INPP4B: variants seen among roughly 807,000 people sequenced by gnomAD.
INPP4B encodes inositol polyphosphate-4-phosphatase type II B, also known as inositol polyphosphate 4-phosphatase type II.
INPP4B carries 55 observed loss-of-function variants against 122.5 expected under a neutral mutation model. That is an observed-to-expected ratio of 0.45 (90% confidence interval 0.36 to 0.56). The LOEUF (loss-of-function observed/expected upper bound fraction) is 0.56, where lower values mean the gene tolerates loss of function less well. Ranked by LOEUF, INPP4B falls within the 20% of genes least tolerant of loss-of-function variation. The pLI, the probability that INPP4B is intolerant of heterozygous loss-of-function variation, is 0.00. For missense variants in INPP4B, 1,000 were observed against 1,097.7 expected (o/e 0.91, Z 1.26); for synonymous variants, 403 against 388.7 (o/e 1.04, Z -0.43).
intron 5 of INPP4B, chr4:142,427,321 C>G (rs1173658979): frequency 5.1e-6 from 2 of 390,860 alleles, no homozygotes; most frequent in Admixed American, 4.4e-5. Flanking sequence ...GCTCATCAAG[C>G]ATTTCTTGCC....
intron 1 of INPP4B, among the ~76,000 whole-genome samples, chr4:142,746,113 A>G (rs1044424877): frequency 3.9e-5 from 6 of 152,016 alleles, no homozygotes; most frequent in African/African-American, 1.4e-4. Flanking sequence ...TAGTTATAGA[A>G]TACTATACTC....
chr4:142,734,572 C>G (rs1766550423), intron 1 of INPP4B, among the ~76,000 whole-genome samples: 1 of 152,148 alleles, frequency 6.6e-6, no homozygotes, highest in South Asian at 2.1e-4. Context: ...CTTCGATACA[C>G]TTTTCAAGTG....
At chr4:142,431,598 A>T (rs1310160702) in intron 3 of INPP4B, among the ~76,000 whole-genome samples, 1 of 152,142 alleles carries the variant, frequency 6.6e-6, no homozygotes, top group Admixed American at 6.6e-5. Flanking sequence ...CATATGAAAG[A>T]TTTCTAAAAC....
rs141109132 is a variant in INPP4B at position 142,658,756 on chromosome 4, GT to G, written c.-191+67082del. 5.9e-3 allele frequency among the ~76,000 whole-genome samples: 898 copies of G among 152,226 alleles called. 13 individuals are homozygous for G. The highest frequency in any genetic ancestry group is 0.02 in the African/African-American group (843 of 41,534). On this transcript the variant is annotated intron_variant, in intron 2 of 25. Transcript: ENST00000262992. The stretch of plus-strand genomic sequence containing the variant: ...GACTTGCAGAGCCAATAAAAGCCCA[GT>G]GGGGAAACTGGTCTCATACCTCATC...
chr4:142,315,532 G>C lies in INPP4B; in HGVS notation c.373-770C>G, dbSNP rs576192510. ...CCTGGCTGTACATTAGAATCACCTG[G>C]GGACCCTTTCAAACTCTTGGTGCGC... On this transcript the variant is annotated intron_variant, in intron 7 of 25. Transcript: ENST00000262992. Among the ~76,000 whole-genome samples the C allele has an allele frequency of 5.3e-5, 8 of 151,826 alleles. No homozygotes were observed. In the South Asian group the frequency reaches 1.7e-3, roughly 32 times the overall value.
intron 20 of INPP4B, 59 bp downstream of exon 20, chr4:142,123,233 G>A (rs1050228108): frequency 6.6e-6 from 9 of 1,373,898 alleles, no homozygotes; most frequent in Middle Eastern, 1.9e-4. Context: ...AAAAATTTCT[G>A]GATTAAATGT....
At chr4:142,678,470 C>T (rs1317462921) in intron 2 of INPP4B, among the ~76,000 whole-genome samples, 1 of 151,836 alleles carries the variant, frequency 6.6e-6, no homozygotes, top group African/African-American at 2.4e-5. Context: ...AAGAAAATCA[C>T]TTCGCACCTC....
chr4:142,727,826 C>T (rs1580785885), intron 1 of INPP4B, among the ~76,000 whole-genome samples: 1 of 152,078 alleles, frequency 6.6e-6, no homozygotes, highest in African/African-American at 2.4e-5. Flanking sequence ...TATAGTGAGC[C>T]GAGATTGCAG....
intron 2 of INPP4B, among the ~76,000 whole-genome samples, chr4:142,704,516 G>A (rs1224868856): frequency 6.6e-6 from 1 of 151,984 alleles, no homozygotes; most frequent in Non-Finnish European, 1.5e-5. Context: ...TTAACTTCTT[G>A]CCACAAAACT....
intron 17 of INPP4B, among the ~76,000 whole-genome samples, chr4:142,152,390 A>C (rs1814679706): frequency 6.6e-6 from 1 of 151,580 alleles, no homozygotes. Context: ...TTTTCTTTTT[A>C]ATAGACTGTG....
At chr4:142,714,806 T>C (rs1392678442) in intron 2 of INPP4B, among the ~76,000 whole-genome samples, 1 of 152,180 alleles carries the variant, frequency 6.6e-6, no homozygotes, top group East Asian at 1.9e-4. Context: ...ACGAGGACTC[T>C]CTGCTGGGAG....
At chr4:142,310,011 C>T (rs1321366165) in intron 8 of INPP4B, among the ~76,000 whole-genome samples, 1 of 152,236 alleles carries the variant, frequency 6.6e-6, no homozygotes, top group Non-Finnish European at 1.5e-5. Flanking sequence ...TCCTCTGTGG[C>T]TCCCCAGTCA....
At chr4:142,100,237 A>G (rs888771593) in intron 23 of INPP4B, among the ~76,000 whole-genome samples, 191 of 152,276 alleles carry the variant, frequency 1.3e-3, no homozygotes, top group African/African-American at 4.3e-3. Flanking sequence ...AGAGTCAAGG[A>G]CAGGAGGAAG....
intron 15 of INPP4B, among the ~76,000 whole-genome samples, chr4:142,185,674 C>T (rs2636677): frequency 0.99 from 150,783 of 151,810 alleles, 74,888 homozygotes; most frequent in East Asian, 1. Flanking sequence ...GGTCAGGAGA[C>T]AGAGACCATC....
chr4:142,231,148 C>T (rs1010024452), intron 12 of INPP4B, among the ~76,000 whole-genome samples: 2 of 152,198 alleles, frequency 1.3e-5, no homozygotes, highest in Non-Finnish European at 2.9e-5. Context: ...AAATGTCACA[C>T]TAACTGTGAG....
intron 7 of INPP4B, among the ~76,000 whole-genome samples, chr4:142,361,504 T>C (rs1785382118): frequency 6.6e-6 from 1 of 152,000 alleles, no homozygotes; most frequent in Admixed American, 6.6e-5. Flanking sequence ...TAGATTTAGC[T>C]ATCAGATTTC....
intron 1 of INPP4B, among the ~76,000 whole-genome samples, chr4:142,738,805 A>G (rs1767456783): frequency 6.6e-6 from 1 of 152,108 alleles, no homozygotes; most frequent in Non-Finnish European, 1.5e-5. Context: ...TCCTAAGTTA[A>G]AAGATCAGTA....
At chr4:142,124,465 T>C in intron 19 of INPP4B, 123 bp downstream of exon 19, 2 of 824,938 alleles carry the variant, frequency 2.4e-6, no homozygotes, top group Admixed American at 2.5e-5. Context: ...AAACATGGGA[T>C]ACCAAAACTT....
intron 15 of INPP4B, among the ~76,000 whole-genome samples, chr4:142,188,396 A>C (rs921124481): frequency 1.2e-4 from 18 of 148,950 alleles, no homozygotes; most frequent in Non-Finnish European, 2.5e-4. Flanking sequence ...CTGAGGCAAG[A>C]GAATGGTGTG....
Sources: allele counts gnomAD v4.1 joint callset (sites outside exome capture counted in the v4.1 genomes callset), GRCh38; gene constraint gnomAD v4.1.1; transcripts MANE v1.5; gene names NCBI Gene and HGNC (gene_info 2026-07-23, HGNC 2026-07-21).